The following TACC2 variants were observed in gnomAD, a reference collection of about 807,000 sequenced individuals.
TACC2 encodes the protein transforming acidic coiled-coil-containing protein 2.
A neutral mutation model predicts 227.3 loss-of-function variants in TACC2; 137 were observed. That is an observed-to-expected ratio of 0.60 (90% CI 0.52 to 0.69). TACC2 has a LOEUF of 0.69. Among genes scored for constraint, TACC2 ranks in the 30% least tolerant of loss-of-function variants. The probability of loss-of-function intolerance (pLI) is 0.00; values close to 1 mark genes in which losing one functional copy is unlikely to be tolerated. For missense variants in TACC2, 3,470 were observed against 3,694.4 expected (o/e 0.94, Z 1.57); for synonymous variants, 1,523 against 1,487.5 (o/e 1.02, Z -0.55).
chr10:122,132,819 C>G (rs2088632319), intron 6 of TACC2, 85 bp downstream of exon 6: 3 of 1,420,518 alleles, frequency 2.1e-6, no homozygotes, highest in Non-Finnish European at 2.9e-6. Flanking sequence ...CCCTTCCCCT[C>G]CCCTCCTCTC....
intron 3 of TACC2, among the ~76,000 whole-genome samples, chr10:122,056,260 C>G (rs562581895): frequency 1.3e-5 from 2 of 152,312 alleles, no homozygotes; most frequent in East Asian, 3.9e-4. Flanking sequence ...CTGCAACCTC[C>G]GCCTCCCGGG....
At chr10:122,116,272 G>A (rs972748217) in intron 5 of TACC2, among the ~76,000 whole-genome samples, 1 of 152,198 alleles carries the variant, frequency 6.6e-6, no homozygotes, top group Non-Finnish European at 1.5e-5. Flanking sequence ...GATGTGTTGA[G>A]TGTCAGCTCT....
At position 122,083,036 on chromosome 10, in the gene TACC2, C is replaced by T. The variant is rs765166194; in HGVS notation, c.536C>T (p.Pro179Leu). 3.8e-5 allele frequency: 61 copies of T among 1,612,310 alleles called. No homozygotes were observed. The Admixed American group carries it at 7.7e-4, about 20-fold the overall frequency. Residue 179 changes from proline to leucine, a missense_variant, in exon 4 of 23, where the codon CCG becomes CTG. By Grantham distance (98) the Pro-to-Leu change is moderately conservative. Coordinates refer to ENST00000369005, the MANE Select transcript of TACC2 (RefSeq NM_206862.4). ...AVPSAGRERQ[P>L]KEEGQKSSFS... ...CCCAGTGCTGGAAGAGAGAGACAGC[C>T]GAAGGAAGAAGGACAGAAGTCCTCC... is the stretch of plus-strand genomic sequence containing the variant.
chr10:122,180,836 G>T lies in TACC2; in HGVS notation c.5835-14204G>T, dbSNP rs2093950685. ...CTCACTGCAAACCTCTGCCTCCCAG[G>T]CTCAAGCGATTCTCCTGCCTCAGCC... is the stretch of plus-strand genomic sequence containing the variant. On this transcript the variant is annotated intron_variant, in intron 7 of 22. Transcript: ENST00000369005. This position sits in a 1 kb window ranked among gnomAD's most constrained non-coding sequence, Gnocchi z 4.5. Among the ~76,000 whole-genome samples the T allele has an allele frequency of 6.6e-6, 1 of 152,110 alleles. No homozygotes were observed. Among genetic ancestry groups the T allele is most frequent in the Admixed American group, 6.5e-5 (1 of 15,268 alleles).
In TACC2 at chr10:122,195,291, G is replaced by T. The variant is rs1241183914; in HGVS notation, c.5971+115G>T. 38 of 879,278 alleles carry T rather than the reference G, an allele frequency of 4.3e-5. No homozygotes were observed. In the Middle Eastern group the frequency reaches 9.8e-4, roughly 23 times the overall value. The allele number at this position is 879,278 out of a possible 1,614,324, so 54.5% of individuals were successfully genotyped here. A position where few individuals can be genotyped will look rare whatever the true frequency, so the allele number is the denominator to read the frequency against. ...AGGCGAGCACTGACTCGACCTCTTG[G>T]CTTTGAGTTGTGCTTGACGTGGCTT... On this transcript the variant is annotated intron_variant, in intron 8 of 22. Transcript: ENST00000369005.
At chr10:122,029,207 C>T (rs1958620152) in intron 2 of TACC2, among the ~76,000 whole-genome samples, 1 of 151,586 alleles carries the variant, frequency 6.6e-6, no homozygotes, top group Admixed American at 6.6e-5. Flanking sequence ...TGAGGAAGTT[C>T]TCTATTCCTA....
chr10:122,246,282 G>A (rs1177602444), intron 19 of TACC2, among the ~76,000 whole-genome samples: 2 of 152,164 alleles, frequency 1.3e-5, no homozygotes, highest in African/African-American at 2.4e-5. Context: ...GAAATGAGGT[G>A]CTGGGACCCT....
chr10:122,099,182 G>A (rs988714982), intron 5 of TACC2, among the ~76,000 whole-genome samples: 5 of 152,242 alleles, frequency 3.3e-5, no homozygotes, highest in Admixed American at 3.3e-4. Context: ...CTGCCTGCCA[G>A]ACGCCATAAC....
At chr10:122,041,087 C>T (rs112002751) in intron 2 of TACC2, among the ~76,000 whole-genome samples, 6 of 152,298 alleles carry the variant, frequency 3.9e-5, no homozygotes, top group African/African-American at 1.4e-4. Flanking sequence ...TCTGTGTATG[C>T]GAGCCGTCCC....
At chr10:122,078,103 G>C (rs1395234145) in intron 3 of TACC2, among the ~76,000 whole-genome samples, 1 of 149,918 alleles carries the variant, frequency 6.7e-6, no homozygotes, top group Non-Finnish European at 1.5e-5. Context: ...ACTGAGGCAG[G>C]AGAATTGCTT....
intron 3 of TACC2, among the ~76,000 whole-genome samples, chr10:122,067,324 C>T (rs1343781204): frequency 7.2e-5 from 11 of 152,064 alleles, no homozygotes; most frequent in Non-Finnish European, 1.3e-4. Context: ...TCTAGGTAGG[C>T]AGTTTTTTTC....
intron 2 of TACC2, among the ~76,000 whole-genome samples, chr10:122,030,756 A>G (rs1958840186): frequency 2.0e-5 from 3 of 151,982 alleles, no homozygotes; most frequent in Admixed American, 1.3e-4. Flanking sequence ...TTAGGATTCC[A>G]GGACCAGACG....
At chr10:122,031,616 G>A (rs1468829394) in intron 2 of TACC2, among the ~76,000 whole-genome samples, 2 of 151,936 alleles carry the variant, frequency 1.3e-5, no homozygotes, top group African/African-American at 4.8e-5. Context: ...TGTTAGCCAG[G>A]TTGGTCTCGA....
intron 5 of TACC2, among the ~76,000 whole-genome samples, chr10:122,118,182 T>C (rs943190683): frequency 6.6e-6 from 1 of 152,002 alleles, no homozygotes; most frequent in Non-Finnish European, 1.5e-5. Flanking sequence ...GCCCGGCTAA[T>C]TTTTGTATTT....
intron 2 of TACC2, among the ~76,000 whole-genome samples, chr10:122,049,670 C>T (rs968135302): frequency 6.6e-6 from 1 of 151,816 alleles, no homozygotes; most frequent in Admixed American, 6.6e-5. Flanking sequence ...TTACAAAAGC[C>T]CTTTCCCTTC....
chr10:122,071,716 A>C (rs188294005), intron 3 of TACC2, among the ~76,000 whole-genome samples: 1 of 56,458 alleles, frequency 1.8e-5, no homozygotes, highest in Admixed American at 2.7e-4. Flanking sequence ...TCTACTAAAA[A>C]TACAAAAAAA....
chr10:122,013,392 G>A (rs3750839), intron 1 of TACC2, among the ~76,000 whole-genome samples: 24,106 of 152,142 alleles, frequency 0.16, 2,051 homozygotes, highest in Non-Finnish European at 0.19. Flanking sequence ...CCTGGGCTAC[G>A]GCTGTTTGTT....
chr10:122,070,416 C>A (rs1272007614), intron 3 of TACC2, among the ~76,000 whole-genome samples: 2 of 152,012 alleles, frequency 1.3e-5, no homozygotes, highest in Non-Finnish European at 2.9e-5. Context: ...TGAGACCAGC[C>A]TGGGAAACAT....
rs574676134 is a variant in TACC2 at position 122,213,450 on chromosome 10, A to G, written c.7283+1742A>G. On this transcript the variant is annotated intron_variant, in intron 9 of 22. Coordinates refer to ENST00000369005, the MANE Select transcript of TACC2 (RefSeq NM_206862.4). The stretch of plus-strand genomic sequence containing the variant: ...TTTCTGCCTTTTGTTTCTGCTTCCA[A>G]GCCATTTTTATTTCCCCTCTGGCTG... 16 of 1,520,330 alleles carry G rather than the reference A, an allele frequency of 1.1e-5. No individual in the cohort carries two copies. In the South Asian group the frequency reaches 1.8e-4, roughly 17 times the overall value. The allele number at this position is 1,520,330 out of a possible 1,614,324, so 94.2% of individuals were successfully genotyped here.
Sources: allele counts gnomAD v4.1 joint callset (sites outside exome capture counted in the v4.1 genomes callset), GRCh38; gene constraint gnomAD v4.1.1; non-coding constraint Gnocchi (gnomAD v3.1); transcripts MANE v1.5; gene names NCBI Gene and HGNC (gene_info 2026-07-23, HGNC 2026-07-21).